BEND4: variants seen among roughly 807,000 people sequenced by gnomAD.
The protein encoded by BEND4 is BEN domain containing 4, also known as BEN domain-containing protein 4.
In BEND4, 27 loss-of-function variants were observed where a neutral mutation model predicts 54.7. The ratio of observed to expected loss-of-function variants is 0.49; its 90% CI spans 0.36 to 0.68. The LOEUF is 0.68. Among genes scored for constraint, BEND4 ranks in the 30% least tolerant of loss-of-function variants. The pLI, the probability that BEND4 is intolerant of heterozygous loss-of-function variation, is 0.00. For missense variants in BEND4, 702 were observed against 697.2 expected, an observed-to-expected ratio of 1.01 and a Z score of -0.08; for synonymous variants, 327 against 299.5, an observed-to-expected ratio of 1.09 and a Z score of -0.95.
At chr4:42,118,504 C>T (rs1719933125) in intron 5 of BEND4, among the ~76,000 whole-genome samples, 1 of 152,194 alleles carries the variant, frequency 6.6e-6, no homozygotes, top group South Asian at 2.1e-4. Flanking sequence ...AGACAGCAGT[C>T]TCTGGTTAGG....
intron 3 of BEND4, among the ~76,000 whole-genome samples, chr4:42,135,274 T>G (rs556461345): frequency 1.3e-5 from 2 of 152,148 alleles, no homozygotes; most frequent in South Asian, 4.2e-4. Flanking sequence ...GGATCTGAGG[T>G]CCCCTACCTG....
In BEND4 at chr4:42,144,008, A is replaced by G. The variant is rs768811973; in HGVS notation, c.488-14T>C. The stretch of plus-strand genomic sequence containing the variant: ...TCATTCGACTCTCTGAAACAAATGA[A>G]AGGACACATCAGTGACCAACAGCCA... On this transcript the variant is annotated splice_polypyrimidine_tract_variant and intron_variant, in intron 2 of 5. Coordinates refer to ENST00000502486, the MANE Select transcript of BEND4 (RefSeq NM_207406.4). 2.5e-6 allele frequency: 4 copies of G among 1,579,834 alleles called. No homozygotes were observed. The East Asian group carries it at 6.7e-5, about 27-fold the overall frequency.
intron 3 of BEND4, among the ~76,000 whole-genome samples, chr4:42,140,550 G>C (rs540088780): frequency 1.6e-4 from 25 of 152,146 alleles, no homozygotes; most frequent in Admixed American, 4.6e-4. Flanking sequence ...CATCAAGAAG[G>C]CTCAAGAAAT....
intron 5 of BEND4, 106 bp downstream of exon 5, chr4:42,119,948 G>T: frequency 7.0e-7 from 1 of 1,429,170 alleles, no homozygotes; most frequent in Non-Finnish European, 9.7e-7. Flanking sequence ...GTTCTCAGCA[G>T]AAAGAAATCA....
intron 3 of BEND4, among the ~76,000 whole-genome samples, chr4:42,131,423 T>C (rs1720504604): frequency 6.6e-6 from 1 of 152,206 alleles, no homozygotes; most frequent in African/African-American, 2.4e-5. Flanking sequence ...GTTAAGACCT[T>C]TTAAAAACTC....
Position 42,143,656 on chromosome 4 carries a change from G to A in BEND4, c.826C>T (p.Leu276=). 6.2e-7 allele frequency: 1 copy of A among 1,613,972 alleles called. No homozygotes were observed. The highest frequency in any genetic ancestry group is 8.5e-7 in the Non-Finnish European group (1 of 1,179,874). The change falls in exon 3 of 6, where the codon CTG becomes TTG. Residue 276 remains leucine (L), a synonymous_variant. Transcript: ENST00000502486. The part of the protein sequence containing the change: ...NPSSASEYGH[L]ADVDPLSTSP... ...GTTGACAGAGGATCCACGTCGGCCAGATGGCCATATTCACTGGCTGACGAG... is the reference window on the plus strand; with the variant it reads ...GTTGACAGAGGATCCACGTCGGCCAAATGGCCATATTCACTGGCTGACGAG...
Position 42,116,616 on chromosome 4 carries a change from A to G in BEND4, c.*902T>C, listed in dbSNP as rs965160868. On this transcript the variant is annotated 3_prime_UTR_variant, in exon 6 of 6. Coordinates refer to ENST00000502486, the MANE Select transcript of BEND4 (RefSeq NM_207406.4). ...AGAATCGCCTTGAAGCTGTGTGTATACAATGCCAGAACATCTAGTCAATTC... is the reference window on the plus strand; with the variant it reads ...AGAATCGCCTTGAAGCTGTGTGTATGCAATGCCAGAACATCTAGTCAATTC... 1.3e-5 allele frequency: 2 copies of G among 152,246 alleles called. No homozygotes were observed. The highest frequency in any genetic ancestry group is 2.1e-4 in the South Asian group (1 of 4,832). 9.4% of individuals were successfully genotyped at this position (152,246 alleles called of 1,614,324 possible).
intron 3 of BEND4, among the ~76,000 whole-genome samples, chr4:42,130,997 A>C (rs1349793809): frequency 6.6e-6 from 1 of 152,188 alleles, no homozygotes; most frequent in South Asian, 2.1e-4. Flanking sequence ...GTTCTCACTC[A>C]TAAGTGTGAG....
At chr4:42,151,387 C>T in intron 2 of BEND4, 1 of 290,896 alleles carries the variant, frequency 3.4e-6, no homozygotes, top group Non-Finnish European at 6.3e-6. Context: ...CCGAGCGATC[C>T]TGGTCGCCGA....
At position 42,111,452 on chromosome 4, in the gene BEND4, T is replaced by C. The variant is rs1719563956; in HGVS notation, c.*6066A>G. On this transcript the variant is annotated 3_prime_UTR_variant, in exon 6 of 6. Transcript: ENST00000502486. Reference sequence around the variant, plus strand: ...GAGAGACATAAAGGCAATGCCTAAATTGCGCAGGGTCGGGCTGGAACAGTG... The same window carrying C: ...GAGAGACATAAAGGCAATGCCTAAACTGCGCAGGGTCGGGCTGGAACAGTG... The C allele has an allele frequency of 1.3e-5, 2 of 152,170 alleles. No homozygotes were observed. The highest frequency in any genetic ancestry group is 4.1e-4 in the South Asian group (2 of 4,836). 9.4% of individuals were successfully genotyped at this position (152,170 alleles called of 1,614,324 possible). A position where few individuals can be genotyped will look rare whatever the true frequency, so the allele number is the denominator to read the frequency against.
chr4:42,145,255 G>C (rs1721036165), intron 2 of BEND4, among the ~76,000 whole-genome samples: 2 of 152,126 alleles, frequency 1.3e-5, no homozygotes, highest in African/African-American at 4.8e-5. Flanking sequence ...CAGGATGTAA[G>C]ACCAAGGAAA....
At chr4:42,138,696 A>G (rs1720782055) in intron 3 of BEND4, among the ~76,000 whole-genome samples, 1 of 152,236 alleles carries the variant, frequency 6.6e-6, no homozygotes, top group Non-Finnish European at 1.5e-5. Context: ...CTCAAACTTT[A>G]CAAAACAAAG....
intron 3 of BEND4, among the ~76,000 whole-genome samples, chr4:42,134,071 A>G (rs945624785): frequency 2.6e-5 from 4 of 152,220 alleles, no homozygotes; most frequent in Non-Finnish European, 4.4e-5. Flanking sequence ...CTGGTAAATA[A>G]GACTACTGAA....
chr4:42,146,504 A>T lies in BEND4; in HGVS notation c.488-2510T>A, dbSNP rs536242373. 1.5e-3 allele frequency among the ~76,000 whole-genome samples: 231 copies of T among 152,342 alleles called. 4 individuals are homozygous for T. Among genetic ancestry groups the T allele is most frequent in the African/African-American group, 5.4e-3 (223 of 41,586 alleles). On this transcript the variant is annotated intron_variant, in intron 2 of 5. Transcript: ENST00000502486. ...AGTCTCACAAAAATATTTGGGTGCCATTTATTTACAATGGCCAAAACCAAA... is the reference window on the plus strand; with the variant it reads ...AGTCTCACAAAAATATTTGGGTGCCTTTTATTTACAATGGCCAAAACCAAA...
Position 42,111,931 on chromosome 4 carries a change from T to G in BEND4, c.*5587A>C, listed in dbSNP as rs1020477824. On this transcript the variant is annotated 3_prime_UTR_variant, in exon 6 of 6. Coordinates refer to ENST00000502486, the MANE Select transcript of BEND4 (RefSeq NM_207406.4). Reference sequence around the variant, plus strand: ...AATTTACCTACTTTTAAAAAAAGTTTTCTGGTCTTCATCATAGGATCTTAC... The same window carrying G: ...AATTTACCTACTTTTAAAAAAAGTTGTCTGGTCTTCATCATAGGATCTTAC... The G allele has an allele frequency of 1.3e-5, 2 of 152,228 alleles. No individual in the cohort carries two copies. The highest frequency in any genetic ancestry group is 1.3e-4 in the Admixed American group (2 of 15,290). 9.4% of individuals were successfully genotyped at this position (152,228 alleles called of 1,614,324 possible).
chr4:42,117,972 T>G (rs943332413), intron 5 of BEND4, among the ~76,000 whole-genome samples: 1 of 152,138 alleles, frequency 6.6e-6, no homozygotes, highest in Admixed American at 6.5e-5. Flanking sequence ...GGGTAATCCC[T>G]CTAAGGAACA....
intron 3 of BEND4, among the ~76,000 whole-genome samples, chr4:42,128,934 T>C (rs1290279318): frequency 6.6e-6 from 1 of 151,108 alleles, no homozygotes; most frequent in Non-Finnish European, 1.5e-5. Context: ...AGACTCCATC[T>C]CCCAAAAAAA....
chr4:42,144,201 C>T (rs1038450943), intron 2 of BEND4: 58 of 609,468 alleles, frequency 9.5e-5, no homozygotes, highest in Non-Finnish European at 1.4e-4. Context: ...CTGAGTCACA[C>T]GCAGTCTCTT....
chr4:42,149,847 G>A (rs1277508430), intron 2 of BEND4, among the ~76,000 whole-genome samples: 3 of 152,060 alleles, frequency 2.0e-5, no homozygotes, highest in Non-Finnish European at 4.4e-5. Context: ...ATATATAGCC[G>A]GCTAAAACTA....
Sources: allele counts gnomAD v4.1 joint callset (sites outside exome capture counted in the v4.1 genomes callset), GRCh38; gene constraint gnomAD v4.1.1; transcripts MANE v1.5; gene names NCBI Gene and HGNC (gene_info 2026-07-23, HGNC 2026-07-21).